Variants in ATXN1 observed in about 807,000 individuals in gnomAD.
ATXN1 encodes the protein ataxin 1, also known as ataxin-1.
Under a neutral mutation model 56.4 loss-of-function variants are expected in ATXN1, and 8 were observed. That is an observed-to-expected ratio of 0.14 (90% CI 0.08 to 0.26). ATXN1 has a LOEUF of 0.26. ATXN1 is among the 10% of genes least tolerant of loss of function. ATXN1 has a pLI of 1.00. For missense variants in ATXN1, 987 were observed against 1,106.5 expected, an observed-to-expected ratio of 0.89 and a Z score of 1.53; for synonymous variants, 514 against 494.6, an observed-to-expected ratio of 1.04 and a Z score of -0.52.
intron 6 of ATXN1, among the ~76,000 whole-genome samples, chr6:16,368,100 G>A (rs1240805707): frequency 6.6e-6 from 1 of 151,820 alleles, no homozygotes; most frequent in African/African-American, 2.4e-5. Flanking sequence ...AACCCAAGAG[G>A]AAGAGGTTGC....
intron 4 of ATXN1, among the ~76,000 whole-genome samples, chr6:16,584,241 T>TATATATATATAG (rs1762579847): frequency 8.2e-6 from 1 of 121,280 alleles, no homozygotes; most frequent in Admixed American, 8.6e-5. Flanking sequence ...TATATATATA[T>TATATATATATAG]ATACACACAC....
At chr6:16,349,528 A>C (rs1018972797) in intron 6 of ATXN1, among the ~76,000 whole-genome samples, 43 of 151,806 alleles carry the variant, frequency 2.8e-4, no homozygotes, top group Admixed American at 2.3e-3. Context: ...AAAAAAAAAA[A>C]CACATTTTCC....
intron 6 of ATXN1, among the ~76,000 whole-genome samples, chr6:16,383,603 T>C (rs1170090431): frequency 3.9e-5 from 6 of 152,204 alleles, no homozygotes; most frequent in African/African-American, 1.4e-4. Flanking sequence ...CATTAGATCA[T>C]GCTACTAACG....
At chr6:16,526,809 G>A (rs537952997) in intron 4 of ATXN1, among the ~76,000 whole-genome samples, 2 of 150,330 alleles carry the variant, frequency 1.3e-5, no homozygotes, top group African/African-American at 4.9e-5. Context: ...TCAACATATC[G>A]AAAAAGGACT....
intron 5 of ATXN1, among the ~76,000 whole-genome samples, chr6:16,496,141 G>A (rs537737178): frequency 1.3e-5 from 2 of 152,256 alleles, no homozygotes; most frequent in East Asian, 3.9e-4. Context: ...CTGCCTCCTT[G>A]TTTAAATATT....
intron 6 of ATXN1, among the ~76,000 whole-genome samples, chr6:16,395,403 C>T (rs1473449487): frequency 6.6e-6 from 1 of 152,018 alleles, no homozygotes; most frequent in African/African-American, 2.4e-5. Context: ...AAGTCATGCA[C>T]CACATAACAA....
intron 3 of ATXN1, among the ~76,000 whole-genome samples, chr6:16,629,469 AG>A (rs1763466623): frequency 1.3e-5 from 2 of 152,042 alleles, no homozygotes; most frequent in Admixed American, 1.3e-4. Flanking sequence ...CTGGGATTAC[AG>A]GCACTCGCCA....
intron 6 of ATXN1, among the ~76,000 whole-genome samples, chr6:16,455,046 A>G (rs1428392355): frequency 6.6e-6 from 1 of 152,240 alleles, no homozygotes; most frequent in Non-Finnish European, 1.5e-5. Flanking sequence ...AACATGTGGC[A>G]GGCATTGGGT....
At chr6:16,461,295 G>A (rs999351330) in intron 6 of ATXN1, among the ~76,000 whole-genome samples, 2 of 152,152 alleles carry the variant, frequency 1.3e-5, no homozygotes, top group Non-Finnish European at 2.9e-5. Context: ...GGCAGAAGAG[G>A]GAAAGGTACT....
At chr6:16,665,100 GT>G (rs1439554458) in intron 2 of ATXN1, among the ~76,000 whole-genome samples, 3 of 152,252 alleles carry the variant, frequency 2.0e-5, no homozygotes, top group African/African-American at 7.2e-5. Flanking sequence ...GTGATATGTT[GT>G]TTGGTTGAAG....
chr6:16,629,741 C>A (rs1369380399), intron 3 of ATXN1, among the ~76,000 whole-genome samples: 1 of 151,908 alleles, frequency 6.6e-6, no homozygotes, highest in Non-Finnish European at 1.5e-5. Context: ...CATGATGAAA[C>A]CCTGTCTCTA....
chr6:16,572,063 G>T (rs889368596), intron 4 of ATXN1, among the ~76,000 whole-genome samples: 30 of 152,152 alleles, frequency 2.0e-4, no homozygotes, highest in Non-Finnish European at 8.8e-5. Flanking sequence ...ATTCCATGGG[G>T]AGTTCTCAGC....
intron 2 of ATXN1, among the ~76,000 whole-genome samples, chr6:16,725,888 G>A (rs891054939): frequency 2.6e-5 from 4 of 152,204 alleles, no homozygotes; most frequent in Non-Finnish European, 5.9e-5. Context: ...AGGAACAAGT[G>A]CATATGGGCA....
At chr6:16,660,742 G>GC (rs994486445) in intron 2 of ATXN1, among the ~76,000 whole-genome samples, 2 of 150,672 alleles carry the variant, frequency 1.3e-5, no homozygotes, top group Non-Finnish European at 2.9e-5. Context: ...ATTCAAAAAT[G>GC]CAACAATTAG....
At chr6:16,652,030 T>C (rs2143068) in intron 3 of ATXN1, 1 of 152,246 alleles carries the variant, frequency 6.6e-6, no homozygotes, top group African/African-American at 2.4e-5. Context: ...TAGAAGAAAG[T>C]ACATTGCATT....
chr6:16,607,614 A>G (rs146596536), intron 3 of ATXN1, among the ~76,000 whole-genome samples: 263 of 152,326 alleles, frequency 1.7e-3, no homozygotes, highest in African/African-American at 5.8e-3. Flanking sequence ...AAAATACATG[A>G]ATATGTACCC....
chr6:16,557,154 G>C (rs894358765), intron 4 of ATXN1, among the ~76,000 whole-genome samples: 60 of 151,770 alleles, frequency 4.0e-4, no homozygotes, highest in African/African-American at 1.4e-3. Context: ...GTAAAACGCC[G>C]TCTCTACTAA....
chr6:16,401,265 G>C (rs975793139), intron 6 of ATXN1, among the ~76,000 whole-genome samples: 1 of 152,122 alleles, frequency 6.6e-6, no homozygotes, highest in Admixed American at 6.5e-5. Context: ...CACAACATGG[G>C]AAGTCATTAA....
chr6:16,364,461 G>C (rs553228517), intron 6 of ATXN1, among the ~76,000 whole-genome samples: 4 of 151,956 alleles, frequency 2.6e-5, no homozygotes, highest in Non-Finnish European at 5.9e-5. Flanking sequence ...CCGCCACCAC[G>C]CCTGGCTAAT....
Sources: gnomAD v4.1 joint callset for allele counts (sites outside exome capture counted in the v4.1 genomes callset) on GRCh38, gnomAD v4.1.1 for gene constraint, MANE v1.5 for transcripts, NCBI Gene and HGNC (gene_info 2026-07-23, HGNC 2026-07-21) for gene names.